Variants in ABCC1 observed in about 807,000 individuals in gnomAD.
The protein encoded by ABCC1 is ATP binding cassette subfamily C member 1 (ABCC1 blood group).
Under a neutral mutation model 172.9 loss-of-function variants are expected in ABCC1, and 83 were observed. That is an observed-to-expected ratio of 0.48 (90% CI 0.40 to 0.58). ABCC1 has a LOEUF of 0.58. Ranked by LOEUF, ABCC1 falls within the 20% of genes least tolerant of loss-of-function variation. The pLI is 0.00. For synonymous variants in ABCC1, 937 were observed against 825.2 expected (o/e 1.14, Z -2.32); for missense variants, 1,817 against 2,002.7 (o/e 0.91, Z 1.77).
At chr16:15,985,225 T>A (rs919295956) in intron 1 of ABCC1, among the ~76,000 whole-genome samples, 4 of 152,196 alleles carry the variant, frequency 2.6e-5, no homozygotes, top group Admixed American at 2.6e-4. Flanking sequence ...ACTGTGGATG[T>A]AGCGGGTATT....
chr16:16,122,619 G>A (rs1192858144), intron 24 of ABCC1, among the ~76,000 whole-genome samples: 2 of 150,958 alleles, frequency 1.3e-5, no homozygotes, highest in Admixed American at 1.3e-4. Flanking sequence ...CATGGCTCAC[G>A]CCTGTAATCC....
At chr16:16,117,961 G>A (rs183168016) in intron 23 of ABCC1, among the ~76,000 whole-genome samples, 23 of 152,286 alleles carry the variant, frequency 1.5e-4, no homozygotes, top group Middle Eastern at 6.8e-3. Context: ...GCAGTCAGTC[G>A]TCTCTGCTGC....
intron 1 of ABCC1, among the ~76,000 whole-genome samples, chr16:15,988,783 C>T (rs1263172251): frequency 1.3e-5 from 2 of 152,108 alleles, no homozygotes; most frequent in Non-Finnish European, 2.9e-5. Flanking sequence ...CCTGTTAAGA[C>T]AGGATTCTTA....
At chr16:15,991,848 C>G (rs2046880019) in intron 1 of ABCC1, among the ~76,000 whole-genome samples, 1 of 152,068 alleles carries the variant, frequency 6.6e-6, no homozygotes, top group Non-Finnish European at 1.5e-5. Context: ...GCCTCCTTTC[C>G]CATCTCCCCT....
chr16:16,027,369 T>G (rs75723582), intron 5 of ABCC1, among the ~76,000 whole-genome samples: 15,517 of 152,198 alleles, frequency 0.1, 903 homozygotes, highest in African/African-American at 0.16. Context: ...GGTGTGACTG[T>G]TCCAATGAAA....
intron 18 of ABCC1, among the ~76,000 whole-genome samples, chr16:16,087,456 CCCCTGA>C (rs1185577080): frequency 6.6e-6 from 1 of 151,766 alleles, no homozygotes; most frequent in African/African-American, 2.4e-5. Flanking sequence ...TTTTTTTCTC[CCCCTGA>C]TTTTATTTTT....
chr16:15,971,097 G>T (rs1352192234), intron 1 of ABCC1, among the ~76,000 whole-genome samples: 1 of 152,196 alleles, frequency 6.6e-6, no homozygotes, highest in African/African-American at 2.4e-5. Flanking sequence ...GACGGAGGAG[G>T]GCTCCAAAGC....
At chr16:16,054,155 A>G (rs996337927) in intron 11 of ABCC1, among the ~76,000 whole-genome samples, 1 of 152,022 alleles carries the variant, frequency 6.6e-6, no homozygotes, top group Non-Finnish European at 1.5e-5. Context: ...TTGTATTTTT[A>G]GTAGAGATGA....
chr16:16,080,061 C>T (rs2050749357), intron 16 of ABCC1, among the ~76,000 whole-genome samples: 1 of 152,126 alleles, frequency 6.6e-6, no homozygotes, highest in Non-Finnish European at 1.5e-5. Flanking sequence ...GATCTGCACA[C>T]CTCTGTCTCC....
intron 1 of ABCC1, among the ~76,000 whole-genome samples, chr16:16,001,402 C>T (rs770138761): frequency 3.3e-5 from 5 of 151,880 alleles, no homozygotes; most frequent in Admixed American, 1.3e-4. Flanking sequence ...TTAGTAGAGA[C>T]GGGGTTTCAC....
At chr16:16,112,088 C>G (rs1205428992) in intron 22 of ABCC1, among the ~76,000 whole-genome samples, 2 of 152,148 alleles carry the variant, frequency 1.3e-5, no homozygotes, top group East Asian at 1.9e-4. Context: ...CATGGTGGCT[C>G]ACACCTGTAA....
At chr16:15,981,089 C>T (rs565597315) in intron 1 of ABCC1, among the ~76,000 whole-genome samples, 13 of 152,314 alleles carry the variant, frequency 8.5e-5, no homozygotes, top group East Asian at 1.9e-4. Flanking sequence ...CATGCTTATG[C>T]GAGAGGTGGG....
chr16:15,968,382 C>T (rs2046294342), intron 1 of ABCC1, among the ~76,000 whole-genome samples: 1 of 151,932 alleles, frequency 6.6e-6, no homozygotes, highest in African/African-American at 2.4e-5. Context: ...AATTTTCAGC[C>T]TCTCTTCTCC....
intron 9 of ABCC1, 44 bp downstream of exon 9, chr16:16,046,057 C>T: frequency 3.1e-6 from 5 of 1,597,510 alleles, no homozygotes; most frequent in Non-Finnish European, 4.3e-6. Flanking sequence ...ACTTCCACAT[C>T]CCCTCCTGCA....
At chr16:16,113,855 ATTAG>A (rs1337647715) in intron 22 of ABCC1, among the ~76,000 whole-genome samples, 6 of 152,258 alleles carry the variant, frequency 3.9e-5, no homozygotes, top group Middle Eastern at 3.4e-3. Context: ...ATCATCAGGC[ATTAG>A]TTAGATTATC....
Position 16,086,946 on chromosome 16 carries a change from C to A in ABCC1, c.2415C>A (p.His805Gln). Residue 805 changes from histidine to glutamine, a missense_variant, in exon 18 of 31, where the codon CAC becomes CAA. By Grantham distance (24) the His-to-Gln change is conservative (BLOSUM62 0). Transcript: ENST00000399410. ...LSAVDAHVGK[H>Q]IFENVIGPKG... ...CAGTGGATGCCCATGTGGGAAAACA[C>A]ATCTTTGAAAATGTGATTGGCCCCA... 6.2e-7 allele frequency: 1 copy of A among 1,614,222 alleles called. No individual in the cohort carries two copies. Among genetic ancestry groups the A allele is most frequent in the Non-Finnish European group, 8.5e-7 (1 of 1,180,052 alleles).
chr16:16,003,508 T>C (rs1284394024), intron 1 of ABCC1, among the ~76,000 whole-genome samples: 1 of 146,778 alleles, frequency 6.8e-6, no homozygotes, highest in East Asian at 1.9e-4. Flanking sequence ...AATTGGTGGG[T>C]TGGTGGATGG....
chr16:16,090,628 G>C (rs745510327), intron 19 of ABCC1, 40 bp downstream of exon 19: 2 of 1,518,182 alleles, frequency 1.3e-6, no homozygotes, highest in Admixed American at 4.2e-5. Context: ...CAGGGTGTCT[G>C]GCACCTTGAA....
At chr16:16,080,950 T>C (rs1047046495) in intron 16 of ABCC1, among the ~76,000 whole-genome samples, 4 of 151,942 alleles carry the variant, frequency 2.6e-5, no homozygotes, top group African/African-American at 9.7e-5. Flanking sequence ...CTGCAACCTC[T>C]GCCTCCTGGG....
Sources: gnomAD v4.1 joint callset for allele counts (sites outside exome capture counted in the v4.1 genomes callset) on GRCh38, gnomAD v4.1.1 for gene constraint, MANE v1.5 for transcripts, NCBI Gene and HGNC (gene_info 2026-07-23, HGNC 2026-07-21) for gene names.